Variants in SYNE2 observed in about 807,000 individuals in gnomAD.
SYNE2 encodes nesprin-2.
Under a neutral mutation model 856.3 loss-of-function variants are expected in SYNE2, and 431 were observed. The ratio of observed to expected loss-of-function variants is 0.50; its 90% CI spans 0.47 to 0.55. The LOEUF (loss-of-function observed/expected upper bound fraction) is 0.55. Ranked by LOEUF, SYNE2 falls within the 20% of genes least tolerant of loss-of-function variation. The probability of loss-of-function intolerance (pLI) is 0.00; values close to 1 mark genes in which losing one functional copy is unlikely to be tolerated. For synonymous variants in SYNE2, 2,923 were observed against 2,872.3 expected (o/e 1.02, Z -0.56); for missense variants, 8,129 against 8,023.2 (o/e 1.01, Z -0.50).
chr14:63,771,057 T>C (rs1237364880), intron 1 of SYNE2, among the ~76,000 whole-genome samples: 2 of 149,496 alleles, frequency 1.3e-5, no homozygotes, highest in Admixed American at 6.8e-5. Flanking sequence ...ACAGAAACCC[T>C]TATACACTCT....
At chr14:63,811,507 C>T (rs1436089428) in intron 1 of SYNE2, among the ~76,000 whole-genome samples, 2 of 152,164 alleles carry the variant, frequency 1.3e-5, no homozygotes, top group Admixed American at 6.5e-5. Flanking sequence ...AAGTAATCCT[C>T]CAGCCTTGGC....
intron 53 of SYNE2, among the ~76,000 whole-genome samples, chr14:64,075,159 CTT>C (rs1293911097): frequency 6.6e-6 from 1 of 152,196 alleles, no homozygotes; most frequent in Non-Finnish European, 1.5e-5. Flanking sequence ...TGTAATCATT[CTT>C]CAGTACAGTG....
At chr14:63,921,846 G>A (rs75614740) in intron 2 of SYNE2, among the ~76,000 whole-genome samples, 506 of 152,248 alleles carry the variant, frequency 3.3e-3, no homozygotes, top group Middle Eastern at 6.8e-3. Flanking sequence ...GTGAGAGATA[G>A]GGTAGTAGCC....
intron 2 of SYNE2, among the ~76,000 whole-genome samples, chr14:63,933,491 A>G (rs1425103233): frequency 6.6e-6 from 1 of 152,220 alleles, no homozygotes; most frequent in Non-Finnish European, 1.5e-5. Flanking sequence ...CAGGGATTAA[A>G]TGTATTTTTA....
At chr14:63,975,887 C>A (rs79269521) in intron 11 of SYNE2, among the ~76,000 whole-genome samples, 1 of 152,106 alleles carries the variant, frequency 6.6e-6, no homozygotes, top group Admixed American at 6.6e-5. Context: ...AATGAATGAA[C>A]GTGTGAGTGA....
At chr14:64,129,090 T>G (rs10047901) in intron 74 of SYNE2, among the ~76,000 whole-genome samples, 17,824 of 152,238 alleles carry the variant, frequency 0.12, 1,530 homozygotes, top group African/African-American at 0.24. Context: ...GGTGGATCAC[T>G]TGAAGCCAGG....
chr14:64,025,456 G>A (rs780426657), intron 41 of SYNE2, 35 bp downstream of exon 41: 20 of 1,591,180 alleles, frequency 1.3e-5, no homozygotes, highest in Non-Finnish European at 1.6e-5. Flanking sequence ...AGAAGTCTGA[G>A]TGAACTCTAG....
Position 63,990,406 on chromosome 14 carries a change from A to C in SYNE2, c.2314-5A>C. On this transcript the variant is annotated splice_region_variant and splice_polypyrimidine_tract_variant and intron_variant, in intron 19 of 115. Transcript: ENST00000555002. ...TTGTGATCTCACTTCAATTTGTTTT[A>C]ATAGCATCTTATTGCCAAAGGCTCT... 6.2e-7 allele frequency: 1 copy of C among 1,612,072 alleles called. No homozygotes were observed. The highest frequency in any genetic ancestry group is 8.5e-7 in the Non-Finnish European group (1 of 1,179,448).
Position 64,143,763 on chromosome 14 carries a change from TTA to T in SYNE2, c.15307-7_15307-6del. 6.2e-7 allele frequency: 1 copy of T among 1,614,118 alleles called. No individual in the cohort carries two copies. The highest frequency in any genetic ancestry group is 8.5e-7 in the Non-Finnish European group (1 of 1,179,976). The stretch of plus-strand genomic sequence containing the variant: ...TGACTGCTTTGGTGTTTAACTTTGC[TTA>T]TTTTAGGAGTTTAGAATGGAAATGG... On this transcript the variant is annotated splice_region_variant and splice_polypyrimidine_tract_variant and intron_variant, in intron 82 of 115. Transcript: ENST00000555002.
intron 10 of SYNE2, among the ~76,000 whole-genome samples, chr14:63,966,926 C>T (rs1009580976): frequency 6.6e-6 from 1 of 151,764 alleles, no homozygotes; most frequent in Admixed American, 6.6e-5. Context: ...AGTGCAGTGG[C>T]GTGATCTCGG....
At chr14:63,779,317 C>T (rs1887222174) in intron 1 of SYNE2, among the ~76,000 whole-genome samples, 1 of 139,906 alleles carries the variant, frequency 7.1e-6, no homozygotes, top group Non-Finnish European at 1.5e-5. Context: ...ACGAGCAAAA[C>T]TCCGTCTCAA....
At chr14:63,855,453 C>T (rs1891467202) in intron 1 of SYNE2, among the ~76,000 whole-genome samples, 1 of 152,118 alleles carries the variant, frequency 6.6e-6, no homozygotes, top group Non-Finnish European at 1.5e-5. Context: ...CTGTTGCTCT[C>T]CTCCCTACTC....
Position 64,048,039 on chromosome 14 carries a change from C to G in SYNE2, c.7261C>G (p.Leu2421Val). ...AATGGCTATGTCAAAACAACTTTCT[C>G]TTAATGCTCAAGAAAGCATGAAAAA... ...VEMAMSKQLS[L>V]NAQESMKNTE... is the part of the protein sequence containing the mutation. Residue 2421 changes from leucine (L) to valine (V), a missense_variant, in exon 46 of 116, where the codon CTT becomes GTT. Around this residue, in one of 3 missense-constraint regions of SYNE2, gnomAD observed 5,410 missense variants for 5,284.8 expected, o/e 1.02. Transcript: ENST00000555002. 6.2e-7 allele frequency: 1 copy of G among 1,613,792 alleles called. No individual in the cohort carries two copies. The highest frequency in any genetic ancestry group is 8.5e-7 in the Non-Finnish European group (1 of 1,179,848).
intron 76 of SYNE2, among the ~76,000 whole-genome samples, chr14:64,130,909 G>A (rs532272544): frequency 6.6e-6 from 1 of 151,356 alleles, no homozygotes; most frequent in Non-Finnish European, 1.5e-5. Context: ...AGAAGAAAAG[G>A]CTTTCCTGAG....
chr14:63,934,395 C>T (rs928712886), intron 2 of SYNE2, among the ~76,000 whole-genome samples: 2 of 151,906 alleles, frequency 1.3e-5, no homozygotes, highest in Admixed American at 6.6e-5. Context: ...AGGGGATGTT[C>T]CTCAGTTTAC....
chr14:63,971,578 C>T (rs1400849754), intron 11 of SYNE2, among the ~76,000 whole-genome samples: 2 of 149,010 alleles, frequency 1.3e-5, no homozygotes, highest in Admixed American at 6.7e-5. Flanking sequence ...ACCATGTTAT[C>T]ATTTTTTTTT....
chr14:63,973,953 C>T (rs1235604276), intron 11 of SYNE2, among the ~76,000 whole-genome samples: 1 of 151,988 alleles, frequency 6.6e-6, no homozygotes, highest in Non-Finnish European at 1.5e-5. Flanking sequence ...AACAATAGAA[C>T]TCAACTGGGC....
chr14:63,789,212 C>T (rs1418073784), intron 1 of SYNE2, among the ~76,000 whole-genome samples: 4 of 152,158 alleles, frequency 2.6e-5, no homozygotes, highest in Non-Finnish European at 5.9e-5. Context: ...CCTCTTGGTG[C>T]CTATGATCTG....
chr14:64,110,119 TG>T (rs2097794858), intron 65 of SYNE2, among the ~76,000 whole-genome samples: 1 of 151,100 alleles, frequency 6.6e-6, no homozygotes, highest in South Asian at 2.1e-4. Flanking sequence ...TCATAAGCAG[TG>T]GGGGAGATAT....
Sources: gnomAD v4.1 joint callset for allele counts (sites outside exome capture counted in the v4.1 genomes callset) on GRCh38, gnomAD v4.1.1 for gene constraint, gnomAD v4.1.1 regional missense constraint, MANE v1.5 for transcripts, NCBI Gene and HGNC (gene_info 2026-07-23, HGNC 2026-07-21) for gene names.